RBM6: variants seen among roughly 807,000 people sequenced by gnomAD.
RBM6 encodes RNA-binding protein 6.
RBM6 carries 23 observed loss-of-function variants against 140.4 expected under a neutral mutation model. That is an observed-to-expected ratio of 0.16 (90% CI 0.12 to 0.23). The LOEUF (loss-of-function observed/expected upper bound fraction) is 0.23. RBM6 is among the 10% of genes least tolerant of loss of function. The probability of loss-of-function intolerance (pLI) is 1.00; values close to 1 mark genes in which losing one functional copy is unlikely to be tolerated. For missense variants in RBM6, 1,139 were observed against 1,386.7 expected (o/e 0.82, Z 2.84); for synonymous variants, 439 against 475.6 (o/e 0.92, Z 1.00).
chr3:49,994,857 T>C (rs1249570680), intron 5 of RBM6, among the ~76,000 whole-genome samples: 1 of 152,170 alleles, frequency 6.6e-6, no homozygotes, highest in African/African-American at 2.4e-5. Flanking sequence ...CAACCAATAC[T>C]CTCTTGATGG....
At chr3:50,043,540 AC>A (rs1257616590) in intron 6 of RBM6, among the ~76,000 whole-genome samples, 1 of 150,154 alleles carries the variant, frequency 6.7e-6, no homozygotes, top group Non-Finnish European at 1.5e-5. Flanking sequence ...ATATACATAT[AC>A]ATACATACAT....
intron 10 of RBM6, chr3:50,058,914 TCA>T: frequency 1.4e-5 from 2 of 147,068 alleles, no homozygotes; most frequent in Admixed American, 6.8e-5. Flanking sequence ...AGACTCTGTC[TCA>T]AAAAAAAAAA....
chr3:49,973,787 T>A (rs1354965977), intron 4 of RBM6, among the ~76,000 whole-genome samples: 1 of 151,920 alleles, frequency 6.6e-6, no homozygotes. Flanking sequence ...GGTTTCACCA[T>A]CTTGGTCAGG....
chr3:49,963,519 A>G (rs2084376363), intron 2 of RBM6, among the ~76,000 whole-genome samples: 1 of 152,178 alleles, frequency 6.6e-6, no homozygotes, highest in Non-Finnish European at 1.5e-5. Flanking sequence ...TGTTTATAAA[A>G]GTTGTATTGA....
chr3:50,070,592 T>G (rs754872010), intron 19 of RBM6, 40 bp downstream of exon 19: 2 of 1,463,766 alleles, frequency 1.4e-6, no homozygotes, highest in East Asian at 4.5e-5. Context: ...GCCTCAAGCC[T>G]AATGATAAAA....
intron 3 of RBM6, among the ~76,000 whole-genome samples, chr3:49,969,172 G>T (rs1019824229): frequency 2.6e-5 from 4 of 151,586 alleles, no homozygotes; most frequent in Non-Finnish European, 5.9e-5. Context: ...TTGCAGGCAT[G>T]TGCCACCATG....
chr3:50,037,884 C>A (rs1052997452), intron 6 of RBM6, among the ~76,000 whole-genome samples: 5 of 149,164 alleles, frequency 3.4e-5, no homozygotes, highest in African/African-American at 1.2e-4. Flanking sequence ...TGTGGTGGCA[C>A]GATCTTGGTT....
intron 1 of RBM6, among the ~76,000 whole-genome samples, chr3:49,949,815 T>A (rs2083656503): frequency 6.6e-6 from 1 of 152,130 alleles, no homozygotes; most frequent in South Asian, 2.1e-4. Flanking sequence ...CCTTTTTATT[T>A]TTTTATTTTA....
At chr3:50,041,413 C>A (rs2088909434) in intron 6 of RBM6, among the ~76,000 whole-genome samples, 1 of 152,190 alleles carries the variant, frequency 6.6e-6, no homozygotes, top group Non-Finnish European at 1.5e-5. Flanking sequence ...CTTTCTTCCT[C>A]CATCTCCTCC....
intron 3 of RBM6, among the ~76,000 whole-genome samples, chr3:49,971,303 G>A (rs1425365175): frequency 6.7e-6 from 1 of 149,436 alleles, no homozygotes; most frequent in African/African-American, 2.5e-5. Context: ...AAACCAGCCA[G>A]GTGTGGAGGT....
Position 50,064,503 on chromosome 3 carries a change from G to GTTTTA in RBM6, c.2587-508_2587-504dup, listed in dbSNP as rs574410240. 5.3e-5 allele frequency among the ~76,000 whole-genome samples: 8 copies of GTTTTA among 151,918 alleles called. No individual in the cohort carries two copies. The South Asian group carries it at 6.2e-4, about 12-fold the overall frequency. ...CAGTAATCATGCAATATATACTAAC[G>GTTTTA]TTTTATTTTATTTTATTTTATTTTT... On this transcript the variant is annotated intron_variant, in intron 15 of 20. Coordinates refer to ENST00000266022, the MANE Select transcript of RBM6 (RefSeq NM_005777.3).
At chr3:50,062,892 C>CTTT (rs36101209) in intron 15 of RBM6, among the ~76,000 whole-genome samples, 4 of 128,482 alleles carry the variant, frequency 3.1e-5, no homozygotes, top group African/African-American at 5.6e-5. Flanking sequence ...TTTCTTTTTC[C>CTTT]TTTTTTTTTT....
chr3:49,975,959 G>C (rs915914664), intron 5 of RBM6, among the ~76,000 whole-genome samples: 1 of 152,086 alleles, frequency 6.6e-6, no homozygotes, highest in African/African-American at 2.4e-5. Flanking sequence ...TATCCTCCTA[G>C]TTGTATTTCA....
At chr3:49,957,231 C>T (rs1431157630) in intron 1 of RBM6, among the ~76,000 whole-genome samples, 1 of 152,018 alleles carries the variant, frequency 6.6e-6, no homozygotes, top group Non-Finnish European at 1.5e-5. Context: ...CAATCGGCTT[C>T]CTGAAGTGCT....
intron 5 of RBM6, among the ~76,000 whole-genome samples, chr3:49,996,740 G>A (rs2086105852): frequency 6.6e-6 from 1 of 152,072 alleles, no homozygotes; most frequent in Non-Finnish European, 1.5e-5. Flanking sequence ...TTCTTAACAG[G>A]GGCATAGATG....
chr3:49,967,780 G>A lies in RBM6; in HGVS notation c.355G>A (p.Asp119Asn), dbSNP rs754857465. 6 of 1,614,012 alleles carry A rather than the reference G, an allele frequency of 3.7e-6. No homozygotes were observed. Among genetic ancestry groups the A allele is most frequent in the Non-Finnish European group, 4.2e-6 (5 of 1,180,040 alleles). The change falls in exon 3 of 21, where the codon GAC becomes AAC. Residue 119 changes from aspartate to asparagine, a missense_variant. By Grantham distance (23) the Asp-to-Asn change is conservative (BLOSUM62 1). Around this residue, in one of 9 missense-constraint regions of RBM6, gnomAD observed 566 missense variants for 612.7 expected, o/e 0.92. Transcript: ENST00000266022. This position sits in a 1 kb window ranked among gnomAD's most constrained non-coding sequence, Gnocchi z 4.0. ...DSSQLDFRGRDIHSGDFRDRE... is the reference protein window; with the variant it reads ...DSSQLDFRGRNIHSGDFRDRE... Reference sequence around the variant, plus strand: ...ATCACAGTTGGACTTCAGGGGTAGGGACATACATTCTGGGGATTTTCGGGA... The same window carrying A: ...ATCACAGTTGGACTTCAGGGGTAGGAACATACATTCTGGGGATTTTCGGGA...
intron 1 of RBM6, among the ~76,000 whole-genome samples, chr3:49,948,802 C>T (rs962572366): frequency 6.8e-6 from 1 of 146,254 alleles, no homozygotes; most frequent in Non-Finnish European, 1.5e-5. Flanking sequence ...GCCTGGGCAA[C>T]AGAGTGAGAC....
intron 6 of RBM6, among the ~76,000 whole-genome samples, chr3:50,044,799 C>A (rs1422942935): frequency 6.6e-6 from 1 of 152,138 alleles, no homozygotes; most frequent in Non-Finnish European, 1.5e-5. Flanking sequence ...GCTGGGGAAT[C>A]AAATCATAGA....
rs756735650 is a variant in RBM6 at position 49,970,633 on chromosome 3, A to T, written c.1324-1426A>T. The stretch of plus-strand genomic sequence containing the variant: ...CTAACGTAATTAACTTAAATGTTAA[A>T]CTTCTTGAATATATGATTTAAGCAA... On this transcript the variant is annotated intron_variant, in intron 3 of 20. Transcript: ENST00000266022. 3.3e-5 allele frequency among the ~76,000 whole-genome samples: 5 copies of T among 152,330 alleles called. No homozygotes were observed. The South Asian group carries it at 8.3e-4, about 25-fold the overall frequency.
Sources: allele counts gnomAD v4.1 joint callset (sites outside exome capture counted in the v4.1 genomes callset), GRCh38; gene constraint gnomAD v4.1.1; regional missense constraint gnomAD v4.1.1; non-coding constraint Gnocchi (gnomAD v3.1); transcripts MANE v1.5; gene names NCBI Gene and HGNC (gene_info 2026-07-23, HGNC 2026-07-21).